Variants in LHFPL2 observed in about 807,000 individuals in gnomAD.
The protein encoded by LHFPL2 is LHFPL tetraspan subfamily member 2 protein.
A neutral mutation model predicts 17.5 loss-of-function variants in LHFPL2; 7 were observed. The observed-to-expected ratio is 0.40, with a 90% CI of 0.23 to 0.75. The LOEUF is 0.75. Ranked by LOEUF, LHFPL2 falls within the 30% of genes least tolerant of loss-of-function variation. The pLI, the probability that LHFPL2 is intolerant of heterozygous loss-of-function variation, is 0.37. For missense variants in LHFPL2, 241 were observed against 294.8 expected, an observed-to-expected ratio of 0.82 and a Z score of 1.34; for synonymous variants, 134 against 116.2, an observed-to-expected ratio of 1.15 and a Z score of -0.99.
chr5:78,637,918 G>C (rs903467119), intron 1 of LHFPL2, among the ~76,000 whole-genome samples: 1 of 152,054 alleles, frequency 6.6e-6, no homozygotes, highest in East Asian at 1.9e-4. Context: ...CTCCCCACTC[G>C]GGCACCAGCC....
chr5:78,572,531 T>TATAC (rs1554056333), intron 2 of LHFPL2, among the ~76,000 whole-genome samples: 177 of 149,120 alleles, frequency 1.2e-3, no homozygotes, highest in Admixed American at 2.1e-3. Flanking sequence ...TATATATATA[T>TATAC]ACACACACAT....
chr5:78,505,482 G>A (rs1008249457), intron 4 of LHFPL2, among the ~76,000 whole-genome samples: 2 of 152,180 alleles, frequency 1.3e-5, no homozygotes, highest in Non-Finnish European at 2.9e-5. Context: ...GGGGGAGGAA[G>A]GAGCTCTGTT....
At chr5:78,605,352 C>T (rs1744176801) in intron 2 of LHFPL2, among the ~76,000 whole-genome samples, 1 of 152,158 alleles carries the variant, frequency 6.6e-6, no homozygotes, top group Non-Finnish European at 1.5e-5. Flanking sequence ...GATGCACTGC[C>T]TGGACTCTGA....
intron 2 of LHFPL2, among the ~76,000 whole-genome samples, chr5:78,613,999 C>T (rs886284177): frequency 6.6e-6 from 1 of 152,216 alleles, no homozygotes; most frequent in South Asian, 2.1e-4. Flanking sequence ...AATGCCACTT[C>T]ATCACAATAC....
intron 4 of LHFPL2, among the ~76,000 whole-genome samples, chr5:78,496,054 G>A (rs1001544188): frequency 2.7e-5 from 4 of 149,438 alleles, no homozygotes; most frequent in Admixed American, 6.6e-5. Context: ...TCCTGCCACA[G>A]GGTTATTCTC....
intron 2 of LHFPL2, among the ~76,000 whole-genome samples, chr5:78,607,651 C>A (rs181185434): frequency 3.9e-5 from 6 of 152,172 alleles, no homozygotes; most frequent in Non-Finnish European, 8.8e-5. Flanking sequence ...TAGTTACTGA[C>A]CCCAATCTTT....
chr5:78,544,348 G>A (rs1273080671), intron 3 of LHFPL2, among the ~76,000 whole-genome samples: 1 of 152,184 alleles, frequency 6.6e-6, no homozygotes, highest in African/African-American at 2.4e-5. Flanking sequence ...AGAGGGTAAA[G>A]CAGAGCTCAG....
At chr5:78,494,234 C>G (rs1046520787) in intron 4 of LHFPL2, 1 of 316,590 alleles carries the variant, frequency 3.2e-6, no homozygotes, top group Admixed American at 6.5e-5. Context: ...CTACCTGATT[C>G]ATGACTGGGT....
chr5:78,586,902 T>A (rs1201101066), intron 2 of LHFPL2, among the ~76,000 whole-genome samples: 1 of 152,350 alleles, frequency 6.6e-6, no homozygotes, highest in Non-Finnish European at 1.5e-5. Flanking sequence ...CTTGGAATAG[T>A]CTTTTTAATT....
At position 78,504,284 on chromosome 5, in the gene LHFPL2, A is replaced by C. The variant is rs111512123; in HGVS notation, c.430+5500T>G. Among the ~76,000 whole-genome samples, 280 of 152,270 alleles carry C rather than the reference A, an allele frequency of 1.8e-3. 1 individual carries two copies. Among genetic ancestry groups the C allele is most frequent in the African/African-American group, 6.0e-3 (248 of 41,544 alleles). ...AGGGTGTTCTGAAGGTGGGCAACCA[A>C]GGTCACACCACCCCAGAGAAAGCCC... On this transcript the variant is annotated intron_variant, in intron 4 of 4. Transcript: ENST00000380345.
intron 1 of LHFPL2, among the ~76,000 whole-genome samples, chr5:78,633,489 G>A (rs1745324469): frequency 6.6e-6 from 1 of 152,228 alleles, no homozygotes. Context: ...AATCTCTGGG[G>A]TGGGACCCAC....
intron 3 of LHFPL2, among the ~76,000 whole-genome samples, chr5:78,561,568 C>T (rs1023946881): frequency 1.3e-5 from 2 of 152,206 alleles, no homozygotes; most frequent in African/African-American, 4.8e-5. Context: ...TCCAAACTTG[C>T]ATAACATGAT....
intron 2 of LHFPL2, among the ~76,000 whole-genome samples, chr5:78,604,199 C>T (rs1014277152): frequency 2.0e-5 from 3 of 152,092 alleles, no homozygotes; most frequent in African/African-American, 4.8e-5. Flanking sequence ...AAAGTCAGGC[C>T]GGGCATGGTG....
chr5:78,613,062 A>G (rs1289875578), intron 2 of LHFPL2, among the ~76,000 whole-genome samples: 1 of 152,224 alleles, frequency 6.6e-6, no homozygotes, highest in African/African-American at 2.4e-5. Flanking sequence ...AAGCTAGTGC[A>G]AAGAATGCCA....
At chr5:78,556,481 T>A (rs1352473946) in intron 3 of LHFPL2, among the ~76,000 whole-genome samples, 1 of 152,138 alleles carries the variant, frequency 6.6e-6, no homozygotes, top group African/African-American at 2.4e-5. Context: ...CATTCCTGAT[T>A]AGGGGGACAT....
intron 4 of LHFPL2, among the ~76,000 whole-genome samples, chr5:78,490,614 G>T (rs970236709): frequency 5.9e-5 from 9 of 151,946 alleles, no homozygotes; most frequent in Middle Eastern, 3.2e-3. Flanking sequence ...GCTGGGCGTG[G>T]TGGCACACCT....
intron 3 of LHFPL2, among the ~76,000 whole-genome samples, chr5:78,512,994 G>A (rs1335261832): frequency 2.0e-5 from 3 of 152,056 alleles, no homozygotes; most frequent in African/African-American, 7.2e-5. Context: ...GACCTCAGGT[G>A]ATCACCCACC....
At chr5:78,636,689 C>T (rs1256435237) in intron 1 of LHFPL2, among the ~76,000 whole-genome samples, 1 of 151,974 alleles carries the variant, frequency 6.6e-6, no homozygotes, top group Non-Finnish European at 1.5e-5. Flanking sequence ...AAATCACTAT[C>T]GAGACATTCT....
At chr5:78,617,860 A>G (rs547822460) in intron 2 of LHFPL2, among the ~76,000 whole-genome samples, 1 of 152,262 alleles carries the variant, frequency 6.6e-6, no homozygotes, top group African/African-American at 2.4e-5. Flanking sequence ...AAGAGGCATT[A>G]AAGTCTGCAG....
Sources: allele counts gnomAD v4.1 joint callset (sites outside exome capture counted in the v4.1 genomes callset), GRCh38; gene constraint gnomAD v4.1.1; transcripts MANE v1.5; gene names NCBI Gene and HGNC (gene_info 2026-07-23, HGNC 2026-07-21).